CHIC2: variants seen among roughly 807,000 people sequenced by gnomAD.
CHIC2 encodes cysteine rich hydrophobic domain 2.
A neutral mutation model predicts 25.9 loss-of-function variants in CHIC2; 14 were observed. The observed-to-expected ratio is 0.54, with a 90% CI of 0.36 to 0.85. CHIC2 has a LOEUF of 0.85. Ranked by LOEUF, CHIC2 falls within the 40% of genes least tolerant of loss-of-function variation. The pLI is 0.01. For synonymous variants in CHIC2, 70 were observed against 72.0 expected (o/e 0.97, Z 0.14); for missense variants, 146 against 202.0 (o/e 0.72, Z 1.68).
chr4:54,034,905 G>T (rs1010565297), intron 3 of CHIC2, among the ~76,000 whole-genome samples: 1 of 152,140 alleles, frequency 6.6e-6, no homozygotes, highest in African/African-American at 2.4e-5. Context: ...GCTTGAGGAA[G>T]TTTTATTCTA....
At chr4:54,044,297 A>G (rs972135625) in intron 3 of CHIC2, among the ~76,000 whole-genome samples, 5 of 152,196 alleles carry the variant, frequency 3.3e-5, no homozygotes, top group Admixed American at 1.3e-4. Flanking sequence ...TGCACCAAGC[A>G]GACCTAATAG....
At chr4:54,041,308 A>G (rs1047612836) in intron 3 of CHIC2, among the ~76,000 whole-genome samples, 17 of 152,020 alleles carry the variant, frequency 1.1e-4, no homozygotes, top group Non-Finnish European at 2.1e-4. Flanking sequence ...AGGATTTCAC[A>G]TCACAAGAAA....
At chr4:54,058,472 C>T (rs1717238061) in intron 1 of CHIC2, among the ~76,000 whole-genome samples, 1 of 151,524 alleles carries the variant, frequency 6.6e-6, no homozygotes, top group South Asian at 2.1e-4. Context: ...CATAACACTC[C>T]TACCAAAAAT....
At chr4:54,066,436 A>C (rs1240000329), upstream of CHIC2, among the ~76,000 whole-genome samples, 1 of 152,190 alleles carries the variant, frequency 6.6e-6, no homozygotes, top group African/African-American at 2.4e-5. Flanking sequence ...ATAATATATC[A>C]TTTAATATTC....
At chr4:54,060,782 G>C (rs1241230903) in intron 1 of CHIC2, 4 of 152,056 alleles carry the variant, frequency 2.6e-5, no homozygotes, top group Non-Finnish European at 2.9e-5. Flanking sequence ...CAGTATTACT[G>C]TTTATTTTAG....
intron 3 of CHIC2, among the ~76,000 whole-genome samples, chr4:54,021,822 C>T (rs1715908227): frequency 6.6e-6 from 1 of 151,986 alleles, no homozygotes; most frequent in South Asian, 2.1e-4. Context: ...ATTAACCAGC[C>T]CACTCCCAAC....
At chr4:54,085,079 A>G in the CHIC2 span, among the ~76,000 whole-genome samples, 4 of 152,118 alleles carry the variant, frequency 2.6e-5, no homozygotes, top group Admixed American at 6.6e-5. Context: ...TTAAAGTGCT[A>G]TATTTTCCCC....
intron 1 of CHIC2, among the ~76,000 whole-genome samples, chr4:54,056,420 T>C (rs1052116491): frequency 2.0e-5 from 3 of 152,170 alleles, no homozygotes; most frequent in Non-Finnish European, 2.9e-5. Context: ...AAATATATGG[T>C]TGAATTGATT....
intron 3 of CHIC2, among the ~76,000 whole-genome samples, chr4:54,038,634 A>G (rs948698202): frequency 6.6e-6 from 1 of 152,216 alleles, no homozygotes; most frequent in Non-Finnish European, 1.5e-5. Context: ...TAAAATTTAT[A>G]AAGAAAGGTA....
intron 1 of CHIC2, chr4:54,060,413 A>G (rs576346922): frequency 6.6e-6 from 1 of 152,300 alleles, no homozygotes; most frequent in South Asian, 2.1e-4. Context: ...ACAAGAGAAT[A>G]ACATTAGAAA....
At chr4:54,013,768 A>G (rs1715660310) in intron 5 of CHIC2, 69 bp downstream of exon 5, 15 of 1,485,806 alleles carry the variant, frequency 1.0e-5, no homozygotes, top group Non-Finnish European at 1.4e-5. Flanking sequence ...AATCATGGAA[A>G]GAATAAGATC....
intron 3 of CHIC2, among the ~76,000 whole-genome samples, chr4:54,015,574 G>A (rs1715714319): frequency 6.6e-6 from 1 of 152,040 alleles, no homozygotes; most frequent in African/African-American, 2.4e-5. Context: ...TAGCCCCCAA[G>A]CTTTGTTAAA....
chr4:54,080,872 A>G, the CHIC2 span, among the ~76,000 whole-genome samples: 3 of 148,488 alleles, frequency 2.0e-5, no homozygotes, highest in African/African-American at 4.9e-5. Flanking sequence ...CTCACCACAC[A>G]TGGTAACTAT....
chr4:54,023,727 C>T (rs901255616), intron 3 of CHIC2, among the ~76,000 whole-genome samples: 20 of 152,208 alleles, frequency 1.3e-4, no homozygotes, highest in African/African-American at 4.6e-4. Context: ...TGCCCCTCTC[C>T]ACTACCTCTC....
At chr4:54,031,451 A>T (rs1577970709) in intron 3 of CHIC2, among the ~76,000 whole-genome samples, 1 of 152,110 alleles carries the variant, frequency 6.6e-6, no homozygotes, top group East Asian at 1.9e-4. Flanking sequence ...TATTTATTGA[A>T]CACCAAGTAG....
At chr4:54,061,402 G>A (rs1193859239) in intron 1 of CHIC2, among the ~76,000 whole-genome samples, 1 of 152,076 alleles carries the variant, frequency 6.6e-6, no homozygotes, top group Non-Finnish European at 1.5e-5. Context: ...TTACATCTGT[G>A]AAAAACATAT....
intron 3 of CHIC2, among the ~76,000 whole-genome samples, chr4:54,037,135 C>T (rs974683887): frequency 6.6e-6 from 1 of 151,964 alleles, no homozygotes; most frequent in Non-Finnish European, 1.5e-5. Context: ...GAGGCTGAGG[C>T]GGGTGGACTG....
At chr4:54,043,689 C>A (rs991241101) in intron 3 of CHIC2, among the ~76,000 whole-genome samples, 1 of 152,220 alleles carries the variant, frequency 6.6e-6, no homozygotes, top group Non-Finnish European at 1.5e-5. Flanking sequence ...GTACCAGCCA[C>A]TGCAAAAACA....
chr4:54,010,579 G>A (rs948463169), intron 5 of CHIC2, among the ~76,000 whole-genome samples: 3 of 152,072 alleles, frequency 2.0e-5, no homozygotes, highest in African/African-American at 4.8e-5. Context: ...TTTCTATGAG[G>A]CAAGTATTAT....
Sources: allele counts gnomAD v4.1 joint callset (sites outside exome capture counted in the v4.1 genomes callset), GRCh38; gene constraint gnomAD v4.1.1; transcripts MANE v1.5; gene names NCBI Gene and HGNC (gene_info 2026-07-23, HGNC 2026-07-21).